PDE4D: variants seen among roughly 807,000 people sequenced by gnomAD.
PDE4D encodes the protein phosphodiesterase 4D, also known as 3',5'-cyclic-AMP phosphodiesterase 4D.
A neutral mutation model predicts 87.4 loss-of-function variants in PDE4D; 24 were observed. That is an observed-to-expected ratio of 0.27 (90% CI 0.20 to 0.39). The LOEUF is 0.39. PDE4D is among the 10% of genes least tolerant of loss of function. The pLI, the probability that PDE4D is intolerant of heterozygous loss-of-function variation, is 1.00. For missense variants in PDE4D, 714 were observed against 1,041.0 expected (o/e 0.69, Z 4.32); for synonymous variants, 384 against 383.2 (o/e 1.00, Z -0.02).
intron 2 of PDE4D, among the ~76,000 whole-genome samples, chr5:59,208,969 T>C (rs928492655): frequency 2.0e-5 from 3 of 152,056 alleles, no homozygotes; most frequent in Non-Finnish European, 2.9e-5. Flanking sequence ...CACACAGCAA[T>C]GGAAGAAAAA....
intron 3 of PDE4D, among the ~76,000 whole-genome samples, chr5:59,940,149 G>A (rs759044941): frequency 3.3e-5 from 5 of 152,164 alleles, no homozygotes; most frequent in Non-Finnish European, 2.9e-5. Flanking sequence ...AGGAGGCTGT[G>A]CTTTATCATG....
intron 3 of PDE4D, among the ~76,000 whole-genome samples, chr5:59,186,437 A>G (rs1039896119): frequency 6.6e-6 from 1 of 152,314 alleles, no homozygotes; most frequent in Non-Finnish European, 1.5e-5. Flanking sequence ...CTTTGACTTA[A>G]TGACTTGGCA....
At chr5:59,593,754 G>A (rs77843273) in intron 1 of PDE4D, among the ~76,000 whole-genome samples, 1,724 of 152,234 alleles carry the variant, frequency 0.011, 26 homozygotes, top group African/African-American at 0.04. Context: ...TTGACAAATC[G>A]TTAGAGGCTG....
At chr5:60,042,653 G>A (rs1054190480) in intron 2 of PDE4D, among the ~76,000 whole-genome samples, 1 of 152,202 alleles carries the variant, frequency 6.6e-6, no homozygotes, top group Non-Finnish European at 1.5e-5. Flanking sequence ...CCCAGGCAAA[G>A]AGGGTCTGGA....
intron 1 of PDE4D, among the ~76,000 whole-genome samples, chr5:59,301,670 G>A (rs1279792529): frequency 6.6e-6 from 1 of 152,068 alleles, no homozygotes; most frequent in Non-Finnish European, 1.5e-5. Context: ...GTGGTTTGAA[G>A]GGAAAGTGGG....
chr5:59,898,680 G>T (rs1192298171), upstream of PDE4D, among the ~76,000 whole-genome samples: 1 of 152,164 alleles, frequency 6.6e-6, no homozygotes, highest in Non-Finnish European at 1.5e-5. Context: ...ATATTGTGGG[G>T]CATTGGACAT....
chr5:59,219,669 A>T (rs75002644), intron 1 of PDE4D, among the ~76,000 whole-genome samples: 4,992 of 152,280 alleles, frequency 0.033, 266 homozygotes, highest in African/African-American at 0.11. Flanking sequence ...GTAATAGAAC[A>T]TCAAGCAACC....
At chr5:60,495,624 T>G (rs1242917581) in intron 1 of PDE4D, among the ~76,000 whole-genome samples, 2 of 152,244 alleles carry the variant, frequency 1.3e-5, no homozygotes, top group African/African-American at 4.8e-5. Flanking sequence ...ACTTCATAGA[T>G]TCTACTTAGA....
chr5:59,418,585 T>C (rs775833046), intron 1 of PDE4D, among the ~76,000 whole-genome samples: 4 of 152,182 alleles, frequency 2.6e-5, no homozygotes, highest in Non-Finnish European at 5.9e-5. Flanking sequence ...ACAGAACACA[T>C]GGGACAATAT....
At position 59,440,201 on chromosome 5, in the gene PDE4D, G is replaced by A. The variant is rs115154752; in HGVS notation, c.456-224233C>T. 5.6e-3 allele frequency among the ~76,000 whole-genome samples: 854 copies of A among 152,214 alleles called. 28 individuals are homozygous for A. In the East Asian group the frequency reaches 0.076, roughly 14 times the overall value. On this transcript the variant is annotated intron_variant, in intron 1 of 14. Transcript: ENST00000340635. ...CACTTAAAGTTTTCATATTAAATTT[G>A]ATGAATTAATCCCAAATCTAGGTAA...
intron 1 of PDE4D, among the ~76,000 whole-genome samples, chr5:59,485,641 T>A (rs902900664): frequency 6.6e-6 from 1 of 151,902 alleles, no homozygotes; most frequent in Non-Finnish European, 1.5e-5. Flanking sequence ...TTATACACAA[T>A]CTTACTGCAG....
intron 2 of PDE4D, among the ~76,000 whole-genome samples, chr5:60,059,208 G>A (rs1381476938): frequency 6.6e-6 from 1 of 151,940 alleles, no homozygotes; most frequent in East Asian, 1.9e-4. Flanking sequence ...GTTGGCACCA[G>A]AGAACACTGT....
intron 2 of PDE4D, among the ~76,000 whole-genome samples, chr5:60,000,777 A>G (rs2152838447): frequency 6.6e-6 from 1 of 152,350 alleles, no homozygotes; most frequent in African/African-American, 2.4e-5. Flanking sequence ...GACATTGATA[A>G]CATAAATGGG....
chr5:59,587,360 T>C (rs1422970397), intron 1 of PDE4D: 1 of 788,940 alleles, frequency 1.3e-6, no homozygotes, highest in African/African-American at 1.9e-5. Context: ...ATCTCTTTTG[T>C]TTTTCACCCC....
At chr5:60,310,865 C>A (rs1754965959) in intron 1 of PDE4D, among the ~76,000 whole-genome samples, 1 of 152,308 alleles carries the variant, frequency 6.6e-6, no homozygotes, top group East Asian at 1.9e-4. Flanking sequence ...TCTAGCCAAA[C>A]AAGAAATTCT....
At chr5:60,423,731 C>T (rs1456837415) in intron 1 of PDE4D, among the ~76,000 whole-genome samples, 7 of 151,984 alleles carry the variant, frequency 4.6e-5, no homozygotes, top group African/African-American at 1.5e-4. Context: ...ACACAAAAAA[C>T]CCTTCAAAAA....
chr5:59,581,271 T>C (rs76084284), intron 1 of PDE4D, among the ~76,000 whole-genome samples: 2,634 of 152,274 alleles, frequency 0.017, 84 homozygotes, highest in African/African-American at 0.059. Context: ...ACTGGTTGTT[T>C]AGTTTTTTTG....
intron 2 of PDE4D, among the ~76,000 whole-genome samples, chr5:60,003,929 A>G (rs999295631): frequency 5.9e-5 from 9 of 152,146 alleles, no homozygotes; most frequent in Non-Finnish European, 1.2e-4. Flanking sequence ...ACAATGGGGA[A>G]ATAATAGTCT....
At chr5:59,179,733 C>T in intron 5 of PDE4D, 1 of 389,636 alleles carries the variant, frequency 2.6e-6, no homozygotes, top group Middle Eastern at 3.6e-4. Flanking sequence ...AAGGAAGACA[C>T]TTGAATCCAA....
Sources: gnomAD v4.1 joint callset for allele counts (sites outside exome capture counted in the v4.1 genomes callset) on GRCh38, gnomAD v4.1.1 for gene constraint, MANE v1.5 for transcripts, NCBI Gene and HGNC (gene_info 2026-07-23, HGNC 2026-07-21) for gene names.